The following SPOCK3 variants were observed in gnomAD, a reference collection of about 807,000 sequenced individuals.
SPOCK3 encodes the protein SPARC (osteonectin), cwcv and kazal like domains proteoglycan 3.
In SPOCK3, 30 loss-of-function variants were observed where a neutral mutation model predicts 56.6. That is an observed-to-expected ratio of 0.53 (90% CI 0.40 to 0.72). SPOCK3 has a LOEUF of 0.72. SPOCK3 is among the 30% of genes least tolerant of loss of function. The pLI, the probability that SPOCK3 is intolerant of heterozygous loss-of-function variation, is 0.00. For synonymous variants in SPOCK3, 196 were observed against 183.3 expected (o/e 1.07, Z -0.56); for missense variants, 527 against 530.0 (o/e 0.99, Z 0.06).
intron 2 of SPOCK3, among the ~76,000 whole-genome samples, chr4:167,101,542 A>T: frequency 6.6e-6 from 1 of 150,380 alleles, no homozygotes; most frequent in South Asian, 2.1e-4. Flanking sequence ...ATTACCAATA[A>T]GTGCTATGAT....
At chr4:166,998,876 A>C (rs1413772256) in intron 4 of SPOCK3, among the ~76,000 whole-genome samples, 1 of 152,068 alleles carries the variant, frequency 6.6e-6, no homozygotes, top group South Asian at 2.1e-4. Flanking sequence ...TTCACCCCCT[A>C]TATACACACA....
intron 3 of SPOCK3, among the ~76,000 whole-genome samples, chr4:167,012,781 T>A (rs1223388923): frequency 6.6e-6 from 1 of 152,060 alleles, no homozygotes; most frequent in Non-Finnish European, 1.5e-5. Flanking sequence ...TAATGTTTAA[T>A]AATAAAGCAT....
chr4:167,031,351 T>C (rs1055160870), intron 3 of SPOCK3, among the ~76,000 whole-genome samples: 4 of 151,976 alleles, frequency 2.6e-5, no homozygotes, highest in African/African-American at 9.7e-5. Context: ...AAAGAACAAA[T>C]CTACTTGATA....
intron 3 of SPOCK3, among the ~76,000 whole-genome samples, chr4:167,028,046 T>C (rs1039364432): frequency 3.9e-5 from 6 of 152,090 alleles, no homozygotes; most frequent in South Asian, 2.1e-4. Flanking sequence ...ACTTCTGTTT[T>C]TCTCTTTGAT....
chr4:167,221,431 G>A (rs941213201), intron 2 of SPOCK3, among the ~76,000 whole-genome samples: 1 of 152,016 alleles, frequency 6.6e-6, no homozygotes, highest in Admixed American at 6.6e-5. Context: ...TGTAGTAACT[G>A]TTTTAAAGTG....
chr4:166,772,852 G>A (rs72635168), intron 7 of SPOCK3, among the ~76,000 whole-genome samples: 30,794 of 152,122 alleles, frequency 0.2, 3,711 homozygotes, highest in South Asian at 0.31. Context: ...ATGCAGTGGT[G>A]TAATCATGGC....
At chr4:166,942,811 C>A (rs1741259970) in intron 4 of SPOCK3, among the ~76,000 whole-genome samples, 1 of 152,140 alleles carries the variant, frequency 6.6e-6, no homozygotes, top group East Asian at 1.9e-4. Flanking sequence ...TAAATAGTGT[C>A]TTATAAAAAG....
intron 2 of SPOCK3, among the ~76,000 whole-genome samples, chr4:167,214,931 T>C (rs1314652577): frequency 6.6e-6 from 1 of 151,738 alleles, no homozygotes; most frequent in African/African-American, 2.4e-5. Flanking sequence ...AGCAAAAACA[T>C]GTTGCATATG....
chr4:166,874,458 A>G (rs1732871724), intron 6 of SPOCK3, among the ~76,000 whole-genome samples: 1 of 152,206 alleles, frequency 6.6e-6, no homozygotes, highest in South Asian at 2.1e-4. Context: ...TTGATTATTT[A>G]TATAACGTGC....
intron 6 of SPOCK3, among the ~76,000 whole-genome samples, chr4:166,821,242 A>G (rs558752980): frequency 6.6e-6 from 1 of 152,218 alleles, no homozygotes; most frequent in South Asian, 2.1e-4. Context: ...CACTAGGAAA[A>G]TGCAAATAAG....
At chr4:166,782,109 C>T (rs1249881689) in intron 7 of SPOCK3, among the ~76,000 whole-genome samples, 1 of 151,998 alleles carries the variant, frequency 6.6e-6, no homozygotes, top group East Asian at 1.9e-4. Flanking sequence ...GGGAACATTC[C>T]AAGTCCTCTT....
intron 2 of SPOCK3, among the ~76,000 whole-genome samples, chr4:167,078,308 CTGTG>C (rs3082377): frequency 0.098 from 10,247 of 104,546 alleles, 429 homozygotes; most frequent in East Asian, 0.17. Context: ...GGTCATAACT[CTGTG>C]TGTGTGTGTG....
intron 2 of SPOCK3, among the ~76,000 whole-genome samples, chr4:167,202,753 T>C (rs1733641751): frequency 6.7e-6 from 1 of 149,286 alleles, no homozygotes; most frequent in Non-Finnish European, 1.5e-5. Context: ...CTTATGTGTA[T>C]TCAATAAAAA....
intron 4 of SPOCK3, among the ~76,000 whole-genome samples, chr4:166,939,631 G>C (rs1476075319): frequency 6.6e-6 from 1 of 152,146 alleles, no homozygotes; most frequent in Non-Finnish European, 1.5e-5. Context: ...TACTGGGCTG[G>C]GAGGAAGAGG....
chr4:166,881,807 T>C (rs1289276348), intron 6 of SPOCK3, among the ~76,000 whole-genome samples: 1 of 152,138 alleles, frequency 6.6e-6, no homozygotes, highest in African/African-American at 2.4e-5. Context: ...AAATATTTCA[T>C]TAATCTTCCA....
At chr4:166,980,787 G>T (rs1746488908) in intron 4 of SPOCK3, among the ~76,000 whole-genome samples, 1 of 152,178 alleles carries the variant, frequency 6.6e-6, no homozygotes, top group African/African-American at 2.4e-5. Flanking sequence ...ATGCCTAGAA[G>T]CTTGGAGCCA....
At chr4:166,740,677 C>A (rs1221002452) in intron 9 of SPOCK3, among the ~76,000 whole-genome samples, 1 of 151,988 alleles carries the variant, frequency 6.6e-6, no homozygotes, top group Non-Finnish European at 1.5e-5. Flanking sequence ...AGGCACACAC[C>A]ACCACGCCAG....
chr4:166,826,110 A>T (rs983432969), intron 6 of SPOCK3, among the ~76,000 whole-genome samples: 1 of 152,136 alleles, frequency 6.6e-6, no homozygotes, highest in African/African-American at 2.4e-5. Flanking sequence ...TAAGGATTAG[A>T]TAAGCAAAGA....
chr4:167,162,230 GAA>G (rs1261236655), intron 2 of SPOCK3, among the ~76,000 whole-genome samples: 1 of 151,952 alleles, frequency 6.6e-6, no homozygotes, highest in Non-Finnish European at 1.5e-5. Context: ...CTTTATTTAG[GAA>G]AGCTTTTGTG....
Sources: allele counts gnomAD v4.1 joint callset (sites outside exome capture counted in the v4.1 genomes callset), GRCh38; gene constraint gnomAD v4.1.1; transcripts MANE v1.5; gene names NCBI Gene and HGNC (gene_info 2026-07-23, HGNC 2026-07-21).